Variants in CADPS2 observed in about 807,000 individuals in gnomAD.
CADPS2 encodes the protein calcium-dependent secretion activator 2.
Under a neutral mutation model 172.5 loss-of-function variants are expected in CADPS2, and 93 were observed. The observed-to-expected ratio is 0.54, with a 90% CI of 0.46 to 0.64. The LOEUF is 0.64. CADPS2 is among the 30% of genes least tolerant of loss of function. The pLI is 0.00. For missense variants in CADPS2, 1,420 were observed against 1,565.9 expected, an observed-to-expected ratio of 0.91 and a Z score of 1.57; for synonymous variants, 546 against 555.2, an observed-to-expected ratio of 0.98 and a Z score of 0.23.
intron 25 of CADPS2, among the ~76,000 whole-genome samples, chr7:122,374,062 T>C (rs1235527620): frequency 1.3e-5 from 2 of 152,072 alleles, no homozygotes; most frequent in East Asian, 1.9e-4. Flanking sequence ...CATCACCAAA[T>C]GAGATTGATC....
rs539744594 is a variant in CADPS2, at chr7:122,877,037, G to T, written c.339+8962C>A. On this transcript the variant is annotated intron_variant, in intron 1 of 29. Coordinates refer to ENST00000449022, the MANE Select transcript of CADPS2 (RefSeq NM_017954.11). ...CATACATGTAAAAATTAAAAGTACA[G>T]GAAACTCAGACTCAAAGGTGTATTA... Among the ~76,000 whole-genome samples, 3 of 151,914 alleles carry T rather than the reference G, an allele frequency of 2.0e-5. No homozygotes were observed. The South Asian group carries it at 6.3e-4, about 32-fold the overall frequency.
rs1459184290 is a variant in CADPS2 at position 122,615,162 on chromosome 7, C to A, written c.1223+19G>T. 3.5e-6 allele frequency: 5 copies of A among 1,427,590 alleles called. No individual in the cohort carries two copies. The highest frequency in any genetic ancestry group is 2.6e-5 in the South Asian group (2 of 76,986). The allele number at this position is 1,427,590 out of a possible 1,614,324, so 88.4% of individuals were successfully genotyped here. On this transcript the variant is annotated intron_variant, in intron 6 of 29. Transcript: ENST00000449022. ...AAAAACAAACAACAACAATAATACA[C>A]TTTTTTCAACTGGCTTACTGTGGCC...
intron 8 of CADPS2, among the ~76,000 whole-genome samples, chr7:122,531,604 G>T (rs1325403167): frequency 6.6e-6 from 1 of 152,100 alleles, no homozygotes; most frequent in Non-Finnish European, 1.5e-5. Context: ...GTCTCAATCA[G>T]TTTTTTCTAA....
At chr7:122,680,531 T>A (rs188879408) in intron 2 of CADPS2, among the ~76,000 whole-genome samples, 162 of 152,214 alleles carry the variant, frequency 1.1e-3, no homozygotes, top group African/African-American at 3.4e-3. Flanking sequence ...CTGGCCAACA[T>A]GGCAAAAGCC....
chr7:122,843,841 A>G (rs1190722441), intron 1 of CADPS2, among the ~76,000 whole-genome samples: 3 of 152,234 alleles, frequency 2.0e-5, no homozygotes, highest in Non-Finnish European at 4.4e-5. Flanking sequence ...GGCAAGGGTC[A>G]ACAGGAGGCA....
At chr7:122,766,555 C>G (rs1332337828) in intron 1 of CADPS2, among the ~76,000 whole-genome samples, 1 of 152,104 alleles carries the variant, frequency 6.6e-6, no homozygotes, top group East Asian at 1.9e-4. Context: ...ACTGTTCATT[C>G]CTTTCACTTT....
chr7:122,575,032 G>A (rs900113270), intron 7 of CADPS2, among the ~76,000 whole-genome samples: 1 of 152,058 alleles, frequency 6.6e-6, no homozygotes, highest in Admixed American at 6.5e-5. Context: ...ACATTATGTA[G>A]GTGGATGCTT....
chr7:122,602,633 T>C (rs2072955046), intron 6 of CADPS2, among the ~76,000 whole-genome samples: 3 of 151,942 alleles, frequency 2.0e-5, no homozygotes, highest in Admixed American at 2.0e-4. Context: ...CATGAGACAG[T>C]ATGGCATTTT....
At chr7:122,658,738 G>A (rs2080135243) in intron 3 of CADPS2, among the ~76,000 whole-genome samples, 2 of 152,206 alleles carry the variant, frequency 1.3e-5, no homozygotes, top group African/African-American at 4.8e-5. Flanking sequence ...CCTTTGTGGT[G>A]TGGACGAGTG....
At chr7:122,741,575 A>AT (rs553955828) in intron 1 of CADPS2, among the ~76,000 whole-genome samples, 183 of 152,218 alleles carry the variant, frequency 1.2e-3, no homozygotes, top group African/African-American at 4.0e-3. Flanking sequence ...CTCTGTGTCT[A>AT]TTTTTTTAAA....
At chr7:122,384,758 T>G (rs1192943569) in intron 24 of CADPS2, among the ~76,000 whole-genome samples, 4 of 152,098 alleles carry the variant, frequency 2.6e-5, no homozygotes, top group African/African-American at 9.7e-5. Flanking sequence ...CAGTAGTAGA[T>G]TACTCTTCAA....
intron 2 of CADPS2, among the ~76,000 whole-genome samples, chr7:122,731,684 C>A (rs1286345887): frequency 6.6e-6 from 1 of 150,688 alleles, no homozygotes; most frequent in Non-Finnish European, 1.5e-5. Context: ...GAAAAAAAAA[C>A]CCTTCAATTA....
At chr7:122,797,593 G>T (rs530188227) in intron 1 of CADPS2, among the ~76,000 whole-genome samples, 2 of 152,246 alleles carry the variant, frequency 1.3e-5, no homozygotes, top group East Asian at 3.9e-4. Context: ...AACTAATGCA[G>T]GAATGGAAAA....
intron 2 of CADPS2, among the ~76,000 whole-genome samples, chr7:122,700,793 C>T (rs2085927096): frequency 6.6e-6 from 1 of 152,040 alleles, no homozygotes; most frequent in African/African-American, 2.4e-5. Flanking sequence ...AATCTGCTAC[C>T]ATAGCTGAGT....
chr7:122,439,159 T>TA (rs2051033252), intron 16 of CADPS2, among the ~76,000 whole-genome samples: 1 of 152,158 alleles, frequency 6.6e-6, no homozygotes, highest in Non-Finnish European at 1.5e-5. Flanking sequence ...ACTTTTCCTT[T>TA]AAAAATGTTA....
At chr7:122,701,839 T>G in intron 2 of CADPS2, 1 of 1,578,978 alleles carries the variant, frequency 6.3e-7, no homozygotes, top group Non-Finnish European at 8.6e-7. Flanking sequence ...TTTCTTAAGT[T>G]TTCAGGATGT....
intron 1 of CADPS2, among the ~76,000 whole-genome samples, chr7:122,782,124 GAATA>G (rs1792892143): frequency 6.6e-6 from 1 of 152,126 alleles, no homozygotes; most frequent in African/African-American, 2.4e-5. Flanking sequence ...CTTAGTGTGA[GAATA>G]AAGAAAAGCT....
intron 6 of CADPS2, among the ~76,000 whole-genome samples, chr7:122,606,178 C>T (rs1359173420): frequency 6.6e-6 from 1 of 152,096 alleles, no homozygotes; most frequent in Non-Finnish European, 1.5e-5. Context: ...TTGAACGGTA[C>T]CCTGGAGGTT....
chr7:122,455,927 T>C (rs1196972654), intron 14 of CADPS2, among the ~76,000 whole-genome samples: 1 of 152,152 alleles, frequency 6.6e-6, no homozygotes, highest in Non-Finnish European at 1.5e-5. Context: ...GGTCTCGAAC[T>C]CCTGGCCTCA....
Sources: gnomAD v4.1 joint callset for allele counts (sites outside exome capture counted in the v4.1 genomes callset) on GRCh38, gnomAD v4.1.1 for gene constraint, MANE v1.5 for transcripts, NCBI Gene and HGNC (gene_info 2026-07-23, HGNC 2026-07-21) for gene names.